The following RPA1 variants were observed in gnomAD, a reference collection of about 807,000 sequenced individuals.
The protein encoded by RPA1 is replication protein A1.
Under a neutral mutation model 83.0 loss-of-function variants are expected in RPA1, and 49 were observed. The observed-to-expected ratio is 0.59, with a 90% CI of 0.47 to 0.75. The LOEUF is 0.75. RPA1 is among the 30% of genes least tolerant of loss of function. The pLI is 0.00. For missense variants in RPA1, 693 were observed against 776.1 expected, an observed-to-expected ratio of 0.89 and a Z score of 1.27; for synonymous variants, 279 against 281.8, an observed-to-expected ratio of 0.99 and a Z score of 0.10.
chr17:1,896,382 G>A (rs536681461), intron 16 of RPA1, among the ~76,000 whole-genome samples: 1 of 152,376 alleles, frequency 6.6e-6, no homozygotes, highest in East Asian at 1.9e-4. Context: ...AAACGTACGA[G>A]TGGGCAGGGG....
chr17:1,874,032 T>TATATACACAC (rs1171343408), intron 6 of RPA1, among the ~76,000 whole-genome samples: 7 of 79,258 alleles, frequency 8.8e-5, no homozygotes, highest in African/African-American at 4.4e-4. Context: ...TATATATATA[T>TATATACACAC]ACACACACAC....
intron 4 of RPA1, among the ~76,000 whole-genome samples, chr17:1,845,247 A>C (rs1289459951): frequency 6.6e-6 from 1 of 151,788 alleles, no homozygotes; most frequent in Non-Finnish European, 1.5e-5. Context: ...TATAGAATAC[A>C]TTGAACCACA....
rs1353142070 is a variant in RPA1 at position 1,877,217 on chromosome 17, C to G, written c.593C>G (p.Thr198Ser). The change falls in exon 8 of 17, where the codon ACC becomes AGC. Residue 198 changes from threonine to serine, a missense_variant. Physicochemically the swap from Thr to Ser is moderately conservative, Grantham distance 58 (BLOSUM62 1). Coordinates refer to ENST00000254719, the MANE Select transcript of RPA1 (RefSeq NM_002945.5). ...ASLTPYQSKW[T>S]ICARVTNKSQ... ...ATGATCGATTTGGTTTGTAGGTGGACCATTTGTGCTCGTGTTACCAACAAA... is the reference window on the plus strand; with the variant it reads ...ATGATCGATTTGGTTTGTAGGTGGAGCATTTGTGCTCGTGTTACCAACAAA... The G allele has an allele frequency of 1.9e-6, 3 of 1,614,072 alleles. No homozygotes were observed. Among genetic ancestry groups the G allele is most frequent in the Non-Finnish European group, 2.5e-6 (3 of 1,179,960 alleles).
chr17:1,835,212 G>T (rs1033869891), intron 1 of RPA1, among the ~76,000 whole-genome samples: 3 of 151,906 alleles, frequency 2.0e-5, no homozygotes, highest in African/African-American at 4.8e-5. Context: ...GCAGTGGCAT[G>T]ATCATAGCTC....
chr17:1,883,832 C>T lies in RPA1; in HGVS notation c.1262C>T (p.Ala421Val). The change falls in exon 13 of 17, where the codon GCC becomes GTC. Residue 421 changes from alanine to valine, a missense_variant. Ala to Val is a moderately conservative substitution (Grantham distance 64). Coordinates refer to ENST00000254719, the MANE Select transcript of RPA1 (RefSeq NM_002945.5). ...LRGWFDAEGQ[A>V]LDGVSISDLK... ...TTCAGGTTTGACGCAGAAGGACAAG[C>T]CTTAGATGGTGTTTCCATCTCTGAT... is the stretch of plus-strand genomic sequence containing the variant. 1 of 1,614,070 alleles carries T rather than the reference C, an allele frequency of 6.2e-7. No homozygotes were observed. The highest frequency in any genetic ancestry group is 2.2e-5 in the East Asian group (1 of 44,876).
At chr17:1,861,922 C>T (rs191116333) in intron 5 of RPA1, among the ~76,000 whole-genome samples, 4 of 151,068 alleles carry the variant, frequency 2.6e-5, no homozygotes, top group Non-Finnish European at 3.0e-5. Flanking sequence ...TTTTTTGAGA[C>T]GGAGTCTCAC....
intron 5 of RPA1, among the ~76,000 whole-genome samples, chr17:1,867,969 A>G (rs1007489527): frequency 3.3e-5 from 5 of 151,372 alleles, no homozygotes; most frequent in Admixed American, 3.3e-4. Context: ...AACTAGTTCC[A>G]CCTGCCGGGG....
At chr17:1,893,584 A>G (rs1384703121) in intron 15 of RPA1, among the ~76,000 whole-genome samples, 2 of 152,200 alleles carry the variant, frequency 1.3e-5, no homozygotes, top group African/African-American at 4.8e-5. Flanking sequence ...TTTTTGTCAA[A>G]GGTCTCAATC....
intron 14 of RPA1, among the ~76,000 whole-genome samples, chr17:1,891,019 G>A (rs1253210995): frequency 1.3e-5 from 2 of 152,090 alleles, no homozygotes; most frequent in Non-Finnish European, 1.5e-5. Flanking sequence ...AACTGGTTTC[G>A]TCACCTTATT....
intron 12 of RPA1, 104 bp from the exon 13 acceptor site, chr17:1,883,708 G>A (rs17338983): frequency 1.4e-6 from 2 of 1,467,454 alleles, no homozygotes; most frequent in Non-Finnish European, 1.9e-6. Context: ...AAGCTGGGCG[G>A]GTGGTGGGAA....
intron 1 of RPA1, among the ~76,000 whole-genome samples, chr17:1,831,559 G>A (rs1911587001): frequency 6.7e-6 from 1 of 150,192 alleles, no homozygotes; most frequent in East Asian, 1.9e-4. Context: ...TAGATTTCTG[G>A]TATATTCCAT....
chr17:1,870,241 CAAGA>C (rs1187627776), intron 5 of RPA1, among the ~76,000 whole-genome samples: 1 of 152,118 alleles, frequency 6.6e-6, no homozygotes, highest in Non-Finnish European at 1.5e-5. Flanking sequence ...GGTGAGCACT[CAAGA>C]AAGGGTAGCT....
intron 7 of RPA1, among the ~76,000 whole-genome samples, chr17:1,876,565 TAAAC>T (rs1803865386): frequency 2.0e-5 from 3 of 152,168 alleles, no homozygotes; most frequent in Admixed American, 1.3e-4. Context: ...TCAAGATAAA[TAAAC>T]AAAATAAAGT....
chr17:1,844,054 C>G (rs1334505617), intron 3 of RPA1, 56 bp downstream of exon 3: 12 of 1,496,542 alleles, frequency 8.0e-6, no homozygotes, highest in Non-Finnish European at 1.1e-5. Context: ...TAGAAGCACA[C>G]CTGGTCCTTT....
intron 14 of RPA1, among the ~76,000 whole-genome samples, chr17:1,889,092 C>T (rs1914109946): frequency 7.1e-6 from 1 of 141,104 alleles, no homozygotes; most frequent in Non-Finnish European, 1.5e-5. Flanking sequence ...TGCCTGCTAA[C>T]TGCTATGAAG....
chr17:1,870,283 T>A (rs1052401913), intron 5 of RPA1, among the ~76,000 whole-genome samples: 4 of 152,170 alleles, frequency 2.6e-5, no homozygotes, highest in Admixed American at 6.5e-5. Flanking sequence ...CAGGGCTTGA[T>A]TGTTAAATAT....
rs879222014 is a variant in RPA1 at position 1,880,461 on chromosome 17, A to G, written c.1093-82A>G. 9 of 1,453,336 alleles carry G rather than the reference A, an allele frequency of 6.2e-6. No homozygotes were observed. In the South Asian group the frequency reaches 7.1e-5, roughly 11 times the overall value. The allele number at this position is 1,453,336 out of a possible 1,614,324, so 90.0% of individuals were successfully genotyped here. On this transcript the variant is annotated intron_variant, in intron 11 of 16. Transcript: ENST00000254719. ...GCTGATTACATTCACTCTACTATTG[A>G]ATGTTTGCCTTGTTTTCTATAAAAA...
chr17:1,891,448 C>T (rs1249616679), intron 14 of RPA1, among the ~76,000 whole-genome samples: 1 of 152,208 alleles, frequency 6.6e-6, no homozygotes, highest in African/African-American at 2.4e-5. Flanking sequence ...TCTGATGGGC[C>T]TCTCTCTGTC....
At chr17:1,836,277 T>G (rs1382509003) in intron 1 of RPA1, among the ~76,000 whole-genome samples, 1 of 151,320 alleles carries the variant, frequency 6.6e-6, no homozygotes, top group East Asian at 1.9e-4. Context: ...ACCTGGCTAA[T>G]TTTTGTATTT....
Sources: allele counts gnomAD v4.1 joint callset (sites outside exome capture counted in the v4.1 genomes callset), GRCh38; gene constraint gnomAD v4.1.1; transcripts MANE v1.5; gene names NCBI Gene and HGNC (gene_info 2026-07-23, HGNC 2026-07-21).